UNC13C: variants seen among roughly 807,000 people sequenced by gnomAD.
The protein encoded by UNC13C is protein unc-13 homolog C.
A neutral mutation model predicts 245.4 loss-of-function variants in UNC13C; 174 were observed. That is an observed-to-expected ratio of 0.71 (90% CI 0.63 to 0.80). The LOEUF (loss-of-function observed/expected upper bound fraction) is 0.80. Ranked by LOEUF, UNC13C falls within the 30% of genes least tolerant of loss-of-function variation. The probability of loss-of-function intolerance (pLI) is 0.00; values close to 1 mark genes in which losing one functional copy is unlikely to be tolerated. For missense variants in UNC13C, 2,829 were observed against 2,602.9 expected, an observed-to-expected ratio of 1.09 and a Z score of -1.89; for synonymous variants, 992 against 895.1, an observed-to-expected ratio of 1.11 and a Z score of -1.93.
intron 19 of UNC13C, among the ~76,000 whole-genome samples, chr15:54,464,981 A>C (rs1185457403): frequency 6.6e-6 from 1 of 152,058 alleles, no homozygotes; most frequent in East Asian, 1.9e-4. Flanking sequence ...GTTATAACAA[A>C]TACATACAAA....
At chr15:54,383,870 A>G (rs1157139761) in intron 17 of UNC13C, among the ~76,000 whole-genome samples, 1 of 152,098 alleles carries the variant, frequency 6.6e-6, no homozygotes, top group Non-Finnish European at 1.5e-5. Flanking sequence ...TCCACCAATA[A>G]TGGCATAGCC....
chr15:53,881,694 G>C, the UNC13C span, among the ~76,000 whole-genome samples: 26 of 152,100 alleles, frequency 1.7e-4, no homozygotes, highest in Non-Finnish European at 3.2e-4. Flanking sequence ...AAGTTTGAAG[G>C]CTAGATTTTG....
chr15:54,435,420 C>A (rs1382045318), intron 19 of UNC13C, among the ~76,000 whole-genome samples: 1 of 152,072 alleles, frequency 6.6e-6, no homozygotes, highest in Non-Finnish European at 1.5e-5. Context: ...AGTTTATGTC[C>A]TTTGCAAGGA....
chr15:54,418,318 A>G lies in UNC13C; in HGVS notation c.4933+3251A>G, dbSNP rs1158912888. Among the ~76,000 whole-genome samples the G allele has an allele frequency of 2.6e-5, 4 of 152,294 alleles. No homozygotes were observed. The East Asian group carries it at 7.8e-4, about 30-fold the overall frequency. Reference sequence around the variant, plus strand: ...TTTCACAGACTGGTTAATAAAAATCAGCTGTCAGACTGTCTAATACAAAGT... The same window carrying G: ...TTTCACAGACTGGTTAATAAAAATCGGCTGTCAGACTGTCTAATACAAAGT... On this transcript the variant is annotated intron_variant, in intron 19 of 32. Coordinates refer to ENST00000260323, the MANE Select transcript of UNC13C (RefSeq NM_001080534.3).
chr15:54,605,631 CAG>C (rs1313350780), intron 30 of UNC13C, among the ~76,000 whole-genome samples: 2 of 152,080 alleles, frequency 1.3e-5, no homozygotes, highest in East Asian at 3.9e-4. Context: ...TTCCAGTATA[CAG>C]AGAGGGTGAG....
intron 2 of UNC13C, among the ~76,000 whole-genome samples, chr15:54,103,242 C>T (rs2141159720): frequency 6.6e-6 from 1 of 152,282 alleles, no homozygotes; most frequent in East Asian, 1.9e-4. Context: ...TACATCTCGC[C>T]ATTCTTTTAC....
intron 17 of UNC13C, among the ~76,000 whole-genome samples, chr15:54,339,802 A>T (rs2038685841): frequency 6.6e-6 from 1 of 152,112 alleles, no homozygotes; most frequent in Non-Finnish European, 1.5e-5. Flanking sequence ...CTGGGTAGAT[A>T]CCCAGTAGTG....
intron 30 of UNC13C, among the ~76,000 whole-genome samples, chr15:54,620,663 C>A (rs957522515): frequency 6.6e-6 from 1 of 151,834 alleles, no homozygotes; most frequent in Admixed American, 6.6e-5. Flanking sequence ...GTCCATACTT[C>A]TAGTCCCAGG....
chr15:54,239,186 T>C (rs1279281496), intron 7 of UNC13C, among the ~76,000 whole-genome samples: 1 of 152,182 alleles, frequency 6.6e-6, no homozygotes, highest in East Asian at 1.9e-4. Context: ...TTCTGTAACT[T>C]AACATTTAAA....
intron 10 of UNC13C, among the ~76,000 whole-genome samples, chr15:54,292,675 A>G (rs2037327693): frequency 6.6e-6 from 1 of 151,826 alleles, no homozygotes. Context: ...AATTCATAGA[A>G]TTAAATCAAT....
At chr15:54,575,701 A>T (rs377599772) in intron 30 of UNC13C, among the ~76,000 whole-genome samples, 3 of 152,360 alleles carry the variant, frequency 2.0e-5, no homozygotes, top group East Asian at 3.9e-4. Context: ...CTGATTTTAA[A>T]ACATAGAAGT....
chr15:54,000,562 G>A (rs981252274), intron 1 of UNC13C, among the ~76,000 whole-genome samples: 3 of 152,110 alleles, frequency 2.0e-5, no homozygotes, highest in Non-Finnish European at 4.4e-5. Flanking sequence ...AAATTCATAA[G>A]TCAGCCTCTT....
chr15:54,025,384 C>T (rs1188201836), intron 2 of UNC13C, among the ~76,000 whole-genome samples: 1 of 152,194 alleles, frequency 6.6e-6, no homozygotes, highest in African/African-American at 2.4e-5. Flanking sequence ...TTTATTAATT[C>T]CTTTCTTATG....
At chr15:54,018,611 C>A (rs533059422) in intron 2 of UNC13C, among the ~76,000 whole-genome samples, 2 of 152,254 alleles carry the variant, frequency 1.3e-5, no homozygotes, top group Admixed American at 6.5e-5. Context: ...GAGTTGGCAC[C>A]ATTTGTGCAG....
At chr15:54,289,185 T>G (rs1053712925) in intron 10 of UNC13C, among the ~76,000 whole-genome samples, 4 of 152,094 alleles carry the variant, frequency 2.6e-5, no homozygotes, top group Admixed American at 2.6e-4. Flanking sequence ...GACCCTCTTT[T>G]GAACATGGCT....
intron 4 of UNC13C, among the ~76,000 whole-genome samples, chr15:54,153,066 T>G (rs2032593076): frequency 6.6e-6 from 1 of 151,886 alleles, no homozygotes; most frequent in Non-Finnish European, 1.5e-5. Context: ...GCTATAAGCT[T>G]GTAAATAATT....
intron 19 of UNC13C, among the ~76,000 whole-genome samples, chr15:54,462,083 G>A (rs572635240): frequency 1.3e-5 from 2 of 152,166 alleles, no homozygotes; most frequent in African/African-American, 4.8e-5. Context: ...GCACAAAATA[G>A]ATAAGGATTT....
intron 19 of UNC13C, among the ~76,000 whole-genome samples, chr15:54,473,597 G>C (rs184102857): frequency 6.6e-6 from 1 of 151,686 alleles, no homozygotes; most frequent in Non-Finnish European, 1.5e-5. Flanking sequence ...TTGTCTTTCT[G>C]TGCCTAGCTT....
At chr15:53,894,063 C>A in the UNC13C span, among the ~76,000 whole-genome samples, 1 of 152,186 alleles carries the variant, frequency 6.6e-6, no homozygotes, top group Non-Finnish European at 1.5e-5. Context: ...CCTCAGGCTC[C>A]TTCCCCCACG....
Sources: allele counts gnomAD v4.1 joint callset (sites outside exome capture counted in the v4.1 genomes callset), GRCh38; gene constraint gnomAD v4.1.1; transcripts MANE v1.5; gene names NCBI Gene and HGNC (gene_info 2026-07-23, HGNC 2026-07-21).